The following KDM4C variants were observed in gnomAD, a reference collection of about 807,000 sequenced individuals.
The protein encoded by KDM4C is lysine-specific demethylase 4C.
A neutral mutation model predicts 129.3 loss-of-function variants in KDM4C; 81 were observed. That is an observed-to-expected ratio of 0.63 (90% CI 0.52 to 0.75). The LOEUF (loss-of-function observed/expected upper bound fraction) is 0.75. KDM4C is among the 30% of genes least tolerant of loss of function. KDM4C has a pLI of 0.00. For synonymous variants in KDM4C, 573 were observed against 456.1 expected (o/e 1.26, Z -3.26); for missense variants, 1,457 against 1,304.0 (o/e 1.12, Z -1.81).
intron 21 of KDM4C, among the ~76,000 whole-genome samples, chr9:7,171,828 A>G (rs1056222898): frequency 1.3e-5 from 2 of 152,080 alleles, no homozygotes; most frequent in Admixed American, 1.3e-4. Context: ...TTATTCTCTG[A>G]AAAAATTTTT....
At chr9:7,168,410 G>A (rs16925516) in intron 20 of KDM4C, among the ~76,000 whole-genome samples, 3 of 152,024 alleles carry the variant, frequency 2.0e-5, no homozygotes, top group South Asian at 2.1e-4. Context: ...GATTACATCC[G>A]TTTTGTTTCC....
At position 6,807,925 on chromosome 9, in the gene KDM4C, C is replaced by T. The variant is rs569786878; in HGVS notation, c.320+2151C>T. 1.6e-4 allele frequency among the ~76,000 whole-genome samples: 22 copies of T among 137,236 alleles called. 1 individual carries two copies. The highest frequency in any genetic ancestry group is 1.2e-3 in the Admixed American group (17 of 14,508). The allele number at this position is 137,236 out of a possible 152,430, so 90.0% of individuals were successfully genotyped here. ...CAGCCCCCAGCCCGGCCAGCCACCC[C>T]CTCCGGGAGGGAGGTGGGGGGGTCA... On this transcript the variant is annotated intron_variant, in intron 3 of 21. Coordinates refer to ENST00000381309, the MANE Select transcript of KDM4C (RefSeq NM_015061.6).
chr9:6,874,375 G>T (rs750046437), intron 5 of KDM4C, among the ~76,000 whole-genome samples: 1 of 152,032 alleles, frequency 6.6e-6, no homozygotes, highest in Non-Finnish European at 1.5e-5. Context: ...AAAAGCCCCG[G>T]GTTTTTTTAA....
At chr9:6,798,376 C>G (rs1312754834) in intron 2 of KDM4C, among the ~76,000 whole-genome samples, 1 of 151,800 alleles carries the variant, frequency 6.6e-6, no homozygotes, top group East Asian at 1.9e-4. Flanking sequence ...GAACAAAGGT[C>G]TCTGGTTTTC....
At chr9:6,839,506 CTGGGA>C (rs1836516759) in intron 4 of KDM4C, among the ~76,000 whole-genome samples, 1 of 150,938 alleles carries the variant, frequency 6.6e-6, no homozygotes, top group South Asian at 2.1e-4. Flanking sequence ...TCCCAAAATG[CTGGGA>C]TTACAGGTGT....
chr9:6,826,539 A>G (rs2131274028), intron 4 of KDM4C, among the ~76,000 whole-genome samples: 1 of 152,238 alleles, frequency 6.6e-6, no homozygotes, highest in East Asian at 1.9e-4. Flanking sequence ...CTTTCCCATG[A>G]TGATAGATGT....
chr9:6,742,306 C>A (rs543321805), intron 1 of KDM4C, among the ~76,000 whole-genome samples: 1 of 152,258 alleles, frequency 6.6e-6, no homozygotes, highest in African/African-American at 2.4e-5. Context: ...AATACATTAT[C>A]TTTCCCTGGC....
At chr9:6,801,718 G>T (rs1252762960) in intron 2 of KDM4C, among the ~76,000 whole-genome samples, 1 of 151,210 alleles carries the variant, frequency 6.6e-6, no homozygotes, top group Non-Finnish European at 1.5e-5. Flanking sequence ...ATATATAAAA[G>T]AATATATAAA....
At chr9:6,765,519 A>C (rs533882417) in intron 1 of KDM4C, among the ~76,000 whole-genome samples, 1 of 152,312 alleles carries the variant, frequency 6.6e-6, no homozygotes, top group South Asian at 2.1e-4. Flanking sequence ...TACACTGTAA[A>C]GATTCTACAA....
intron 1 of KDM4C, among the ~76,000 whole-genome samples, chr9:6,742,692 T>TC (rs1321433410): frequency 6.6e-6 from 1 of 151,164 alleles, no homozygotes; most frequent in East Asian, 1.9e-4. Context: ...TTTTTTTTTT[T>TC]TTAGAAGGAG....
chr9:6,850,817 C>T (rs1181886455), intron 5 of KDM4C, among the ~76,000 whole-genome samples: 1 of 152,050 alleles, frequency 6.6e-6, no homozygotes, highest in East Asian at 1.9e-4. Flanking sequence ...TGCAGTGGTG[C>T]GATCTCGGCT....
At chr9:7,090,237 C>A (rs1422352675) in intron 17 of KDM4C, among the ~76,000 whole-genome samples, 2 of 152,180 alleles carry the variant, frequency 1.3e-5, no homozygotes, top group South Asian at 4.2e-4. Context: ...TGACACACAG[C>A]CTTTAAAATG....
intron 1 of KDM4C, among the ~76,000 whole-genome samples, chr9:6,745,922 G>T (rs1250193878): frequency 6.6e-6 from 1 of 152,028 alleles, no homozygotes. Flanking sequence ...TGATTCTCCC[G>T]CCTCAGCCTC....
chr9:6,828,436 C>T (rs755202533), intron 4 of KDM4C, among the ~76,000 whole-genome samples: 69 of 152,194 alleles, frequency 4.5e-4, no homozygotes, highest in Non-Finnish European at 9.0e-4. Context: ...TGTGAGCCAC[C>T]GTGCCCGGCC....
chr9:6,796,463 C>T (rs1245998893), intron 2 of KDM4C, among the ~76,000 whole-genome samples: 1 of 152,128 alleles, frequency 6.6e-6, no homozygotes, highest in East Asian at 1.9e-4. Flanking sequence ...ACTTTTGTTT[C>T]CGGAAAACAT....
intron 4 of KDM4C, among the ~76,000 whole-genome samples, chr9:6,831,610 G>A (rs2131320105): frequency 6.6e-6 from 1 of 152,220 alleles, no homozygotes. Flanking sequence ...CTAAAGTGCT[G>A]GGATTACAGG....
intron 5 of KDM4C, among the ~76,000 whole-genome samples, chr9:6,857,755 CTTTTT>C (rs34529562): frequency 7.4e-6 from 1 of 135,540 alleles, no homozygotes. Flanking sequence ...GCCAGCTGTA[CTTTTT>C]TTTTTTTTTT....
At chr9:6,781,407 T>A (rs1395644595) in intron 1 of KDM4C, among the ~76,000 whole-genome samples, 1 of 152,168 alleles carries the variant, frequency 6.6e-6, no homozygotes, top group Non-Finnish European at 1.5e-5. Flanking sequence ...AGACACTGTA[T>A]TTAAAATATA....
chr9:7,081,462 G>A (rs1361567159), intron 17 of KDM4C, among the ~76,000 whole-genome samples: 1 of 152,202 alleles, frequency 6.6e-6, no homozygotes, highest in African/African-American at 2.4e-5. Flanking sequence ...CACCGTGTGT[G>A]AGGAACAGCA....
Sources: gnomAD v4.1 joint callset for allele counts (sites outside exome capture counted in the v4.1 genomes callset) on GRCh38, gnomAD v4.1.1 for gene constraint, MANE v1.5 for transcripts, NCBI Gene and HGNC (gene_info 2026-07-23, HGNC 2026-07-21) for gene names.